Variants in WWP1 observed in about 807,000 individuals in gnomAD.
WWP1 encodes WW domain containing E3 ubiquitin protein ligase 1.
A neutral mutation model predicts 130.6 loss-of-function variants in WWP1; 49 were observed. That is an observed-to-expected ratio of 0.38 (90% CI 0.30 to 0.48). The LOEUF is 0.48. Among genes scored for constraint, WWP1 ranks in the 20% least tolerant of loss-of-function variants. The pLI, the probability that WWP1 is intolerant of heterozygous loss-of-function variation, is 0.99. For synonymous variants in WWP1, 332 were observed against 367.8 expected, an observed-to-expected ratio of 0.90 and a Z score of 1.11; for missense variants, 809 against 1,100.6, an observed-to-expected ratio of 0.74 and a Z score of 3.75.
intron 18 of WWP1, among the ~76,000 whole-genome samples, chr8:86,447,135 A>C (rs1300781590): frequency 1.3e-5 from 2 of 152,236 alleles, no homozygotes; most frequent in Non-Finnish European, 2.9e-5. Context: ...TAGAGCAGTC[A>C]GCTTGGTTGT....
chr8:86,380,258 C>T (rs79247201), intron 3 of WWP1, among the ~76,000 whole-genome samples: 1 of 151,950 alleles, frequency 6.6e-6, no homozygotes, highest in Admixed American at 6.6e-5. Flanking sequence ...ACAAAAAAAA[C>T]CCACATTATA....
At chr8:86,401,846 A>G (rs1343491114) in intron 7 of WWP1, among the ~76,000 whole-genome samples, 173 bp from the exon 8 acceptor site, 3 of 152,126 alleles carry the variant, frequency 2.0e-5, no homozygotes, top group Non-Finnish European at 4.4e-5. Flanking sequence ...CTATTTACCT[A>G]TCATTTTACT....
rs2130509373 is a variant in WWP1, at chr8:86,402,194, G to A, written c.715G>A (p.Asp239Asn). 3 of 1,612,740 alleles carry A rather than the reference G, an allele frequency of 1.9e-6. No individual in the cohort carries two copies. Among genetic ancestry groups the A allele is most frequent in the Non-Finnish European group, 1.7e-6 (2 of 1,179,448 alleles). The change falls in exon 8 of 25, where the codon GAT becomes AAT. Residue 239 changes from aspartate to asparagine, a missense_variant. Transcript: ENST00000517970. ...APKPLASEPA[D>N]DTVNGESSSF... ...AAAACCACTCGCATCTGAGCCTGCC[G>A]ATGACACTGGTAAGCAAGGCTATTT... is the stretch of plus-strand genomic sequence containing the variant.
At position 86,380,199 on chromosome 8, in the gene WWP1, C is replaced by A. The variant is rs78777068; in HGVS notation, c.71-527C>A. On this transcript the variant is annotated intron_variant, in intron 3 of 24. Coordinates refer to ENST00000517970, the MANE Select transcript of WWP1 (RefSeq NM_007013.4). ...AGGAGTGGAGTACTGGTGCATGTTA[C>A]AATATGGATGAACCTCAAAAATGTA... Among the ~76,000 whole-genome samples, 642 of 152,112 alleles carry A rather than the reference C, an allele frequency of 4.2e-3. 3 individuals are homozygous for A. The highest frequency in any genetic ancestry group is 0.014 in the African/African-American group (599 of 41,494).
chr8:86,433,233 T>TG (rs1399908927), intron 14 of WWP1, among the ~76,000 whole-genome samples: 1 of 148,916 alleles, frequency 6.7e-6, no homozygotes, highest in African/African-American at 2.5e-5. Flanking sequence ...AAGCCTCTTT[T>TG]TTTTTTTTTT....
chr8:86,387,978 A>G (rs924538712), intron 5 of WWP1, among the ~76,000 whole-genome samples: 12 of 152,326 alleles, frequency 7.9e-5, no homozygotes, highest in Non-Finnish European at 8.8e-5. Flanking sequence ...GCCTTTCATC[A>G]TGTATGGCAG....
At chr8:86,457,358 A>C (rs1323955324) in intron 21 of WWP1, among the ~76,000 whole-genome samples, 1 of 151,936 alleles carries the variant, frequency 6.6e-6, no homozygotes, top group Non-Finnish European at 1.5e-5. Flanking sequence ...AATGAGAACC[A>C]GAAATAGGTT....
chr8:86,346,303 T>C (rs986797360), intron 1 of WWP1, among the ~76,000 whole-genome samples: 3 of 152,006 alleles, frequency 2.0e-5, no homozygotes, highest in Non-Finnish European at 2.9e-5. Flanking sequence ...TAAGAAACTT[T>C]AAGAACTTTA....
Position 86,467,720 on chromosome 8 carries a change from A to G in WWP1, c.*827A>G, listed in dbSNP as rs991141089. The G allele has an allele frequency of 6.6e-6, 1 of 152,310 alleles. No individual in the cohort carries two copies. The highest frequency in any genetic ancestry group is 1.9e-4 in the East Asian group (1 of 5,188). 9.4% of individuals were successfully genotyped at this position (152,310 alleles called of 1,614,324 possible). A position where few individuals can be genotyped will look rare whatever the true frequency, so the allele number is the denominator to read the frequency against. ...CTGTGATGCTTTTCAAATTTAATTCATAATAAATTGATGCAATTTCATACT... is the reference window on the plus strand; with the variant it reads ...CTGTGATGCTTTTCAAATTTAATTCGTAATAAATTGATGCAATTTCATACT... On this transcript the variant is annotated 3_prime_UTR_variant, in exon 25 of 25. Coordinates refer to ENST00000517970, the MANE Select transcript of WWP1 (RefSeq NM_007013.4).
intron 8 of WWP1, 52 bp downstream of exon 8, chr8:86,402,255 T>G: frequency 6.3e-7 from 1 of 1,577,708 alleles, no homozygotes; most frequent in South Asian, 1.2e-5. Context: ...AAATGAAGTT[T>G]ATGTATCCAT....
intron 9 of WWP1, among the ~76,000 whole-genome samples, chr8:86,423,862 ACCTC>A (rs1447909544): frequency 8.3e-6 from 1 of 120,138 alleles, no homozygotes; most frequent in Non-Finnish European, 1.7e-5. Flanking sequence ...GGCGCCCCCC[ACCTC>A]CCTCCCGGAC....
chr8:86,411,920 C>G (rs1040354204), intron 9 of WWP1, 46 bp downstream of exon 9: 4 of 1,492,482 alleles, frequency 2.7e-6, no homozygotes, highest in Middle Eastern at 1.8e-4. Context: ...AGTAGCAACT[C>G]TGTTAACATA....
rs1473773381 is a variant in WWP1 at position 86,425,827 on chromosome 8, G to T, written c.1157+509G>T. 1.8e-4 allele frequency among the ~76,000 whole-genome samples: 28 copies of T among 152,214 alleles called. 1 individual carries two copies. Among genetic ancestry groups the T allele is most frequent in the Non-Finnish European group, 5.9e-5 (4 of 68,016 alleles). On this transcript the variant is annotated intron_variant, in intron 10 of 24. Transcript: ENST00000517970. Reference sequence around the variant, plus strand: ...TACATACTAAAATTCATGCTATTAGGCTGTCATTCAAGGCCATTCACAAAC... The same window carrying T: ...TACATACTAAAATTCATGCTATTAGTCTGTCATTCAAGGCCATTCACAAAC...
chr8:86,404,888 A>G (rs896018056), intron 8 of WWP1, among the ~76,000 whole-genome samples: 2 of 152,154 alleles, frequency 1.3e-5, no homozygotes, highest in Non-Finnish European at 2.9e-5. Flanking sequence ...TGTGGTTTTT[A>G]TAGGATCTCA....
intron 3 of WWP1, among the ~76,000 whole-genome samples, chr8:86,375,430 G>A (rs1193369007): frequency 6.6e-6 from 1 of 151,950 alleles, no homozygotes; most frequent in Non-Finnish European, 1.5e-5. Flanking sequence ...TGCCCTGTAG[G>A]TTCACATTTT....
intron 1 of WWP1, among the ~76,000 whole-genome samples, chr8:86,363,512 T>C (rs531409493): frequency 3.9e-4 from 59 of 152,088 alleles, no homozygotes; most frequent in Non-Finnish European, 6.2e-4. Context: ...TTAAATTATA[T>C]GTCTATGGGC....
intron 8 of WWP1, among the ~76,000 whole-genome samples, chr8:86,405,455 A>C (rs914795427): frequency 2.0e-5 from 3 of 151,570 alleles, no homozygotes; most frequent in Non-Finnish European, 4.4e-5. Flanking sequence ...CAGAAATATT[A>C]ATGTATTTAA....
At position 86,415,028 on chromosome 8, in the gene WWP1, T is replaced by C. The variant is rs141612307; in HGVS notation, c.1061+3154T>C. 1.7e-3 allele frequency among the ~76,000 whole-genome samples: 264 copies of C among 152,100 alleles called. 3 individuals are homozygous for C. The highest frequency in any genetic ancestry group is 6.1e-3 in the African/African-American group (254 of 41,482). ...TATTTTGTAGGGCATCCAGTTGATATATGTACCTCATGCCGTATACCAAGG... is the reference window on the plus strand; with the variant it reads ...TATTTTGTAGGGCATCCAGTTGATACATGTACCTCATGCCGTATACCAAGG... On this transcript the variant is annotated intron_variant, in intron 9 of 24. Coordinates refer to ENST00000517970, the MANE Select transcript of WWP1 (RefSeq NM_007013.4).
chr8:86,369,113 C>G (rs1172899021), intron 2 of WWP1, 82 bp downstream of exon 2: 1 of 152,036 alleles, frequency 6.6e-6, no homozygotes, highest in African/African-American at 2.4e-5. Flanking sequence ...ATTATGTAGA[C>G]CTAGTAATAC....
Sources: gnomAD v4.1 joint callset for allele counts (sites outside exome capture counted in the v4.1 genomes callset) on GRCh38, gnomAD v4.1.1 for gene constraint, MANE v1.5 for transcripts, NCBI Gene and HGNC (gene_info 2026-07-23, HGNC 2026-07-21) for gene names.